Variants in CTBP2 observed in about 807,000 individuals in gnomAD.
CTBP2 encodes the protein C-terminal binding protein 2, also known as C-terminal-binding protein 2.
In CTBP2, 30 loss-of-function variants were observed where a neutral mutation model predicts 80.3. That is an observed-to-expected ratio of 0.37 (90% CI 0.28 to 0.51). CTBP2 has a LOEUF of 0.51. Among genes scored for constraint, CTBP2 ranks in the 20% least tolerant of loss-of-function variants. CTBP2 has a pLI of 0.93. For synonymous variants in CTBP2, 594 were observed against 587.4 expected (o/e 1.01, Z -0.16); for missense variants, 1,212 against 1,375.3 (o/e 0.88, Z 1.88).
intron 2 of CTBP2, among the ~76,000 whole-genome samples, chr10:125,045,806 T>TACAC (rs1479167762): frequency 6.6e-6 from 1 of 152,182 alleles, no homozygotes; most frequent in African/African-American, 2.4e-5. Flanking sequence ...CTTTCTAATA[T>TACAC]ACACATTGAA....
At chr10:125,020,332 A>G (rs999779745) in intron 1 of CTBP2, among the ~76,000 whole-genome samples, 3 of 152,178 alleles carry the variant, frequency 2.0e-5, no homozygotes, top group African/African-American at 7.2e-5. Context: ...ACAGCCACAC[A>G]AAACTATTAT....
chr10:125,034,365 G>A (rs1049140607), intron 3 of CTBP2, among the ~76,000 whole-genome samples: 1 of 152,214 alleles, frequency 6.6e-6, no homozygotes, highest in African/African-American at 2.4e-5. Context: ...TGTCTGTGAA[G>A]CTTTGCCTTG....
At chr10:125,128,746 T>C (rs1428349879) in intron 1 of CTBP2, among the ~76,000 whole-genome samples, 1 of 152,264 alleles carries the variant, frequency 6.6e-6, no homozygotes, top group Non-Finnish European at 1.5e-5. Flanking sequence ...ATAACCACTT[T>C]GTAAGACTAA....
chr10:125,111,257 C>T (rs559765865), intron 1 of CTBP2, among the ~76,000 whole-genome samples, 164 bp from the exon 2 acceptor site: 1 of 152,230 alleles, frequency 6.6e-6, no homozygotes, highest in African/African-American at 2.4e-5. Flanking sequence ...GCTTTAGTCA[C>T]ACACCAGATC....
At chr10:125,041,325 C>T (rs1001255200) in intron 2 of CTBP2, among the ~76,000 whole-genome samples, 2 of 152,192 alleles carry the variant, frequency 1.3e-5, no homozygotes, top group Admixed American at 1.3e-4. Context: ...TCAAGTGATC[C>T]ACCCACCTCA....
At chr10:125,012,462 T>C (rs568115808) in intron 1 of CTBP2, among the ~76,000 whole-genome samples, 1 of 152,256 alleles carries the variant, frequency 6.6e-6, no homozygotes, top group East Asian at 1.9e-4. Context: ...TAAACAGTTC[T>C]GGTGGAATCT....
At chr10:125,065,913 G>A (rs1419843743) in intron 2 of CTBP2, among the ~76,000 whole-genome samples, 1 of 151,962 alleles carries the variant, frequency 6.6e-6, no homozygotes, top group East Asian at 1.9e-4. Flanking sequence ...ACCAGCCTGG[G>A]CAACATGGCG....
At chr10:125,096,387 T>G (rs1028579213) in intron 2 of CTBP2, among the ~76,000 whole-genome samples, 1 of 152,230 alleles carries the variant, frequency 6.6e-6, no homozygotes, top group African/African-American at 2.4e-5. Flanking sequence ...AATAACATAG[T>G]GATAAAATCT....
Position 124,994,889 on chromosome 10 carries a change from G to A in CTBP2, c.2186-206C>T, listed in dbSNP as rs561338044. On this transcript the variant is annotated intron_variant, in intron 4 of 8. Coordinates refer to ENST00000309035, the MANE Select transcript of CTBP2 (RefSeq NM_022802.3). ...GGCCGGTGTAGGACAGGTGAGGACC[G>A]CAGTGCTTGCTGCTTATATTGGGTA... Among the ~76,000 whole-genome samples the A allele has an allele frequency of 1.8e-4, 27 of 152,376 alleles. No individual in the cohort carries two copies. The South Asian group carries it at 3.3e-3, about 19-fold the overall frequency.
intron 1 of CTBP2, among the ~76,000 whole-genome samples, chr10:125,024,808 G>C (rs1957381965): frequency 6.6e-6 from 1 of 152,138 alleles, no homozygotes; most frequent in South Asian, 2.1e-4. Flanking sequence ...ATTATCTGAC[G>C]TCCCTCCTGC....
chr10:125,027,728 C>T lies in CTBP2; in HGVS notation c.32G>A (p.Gly11Asp). The change falls in exon 1 of 9, where the codon GGT becomes GAT. Residue 11 changes from glycine (G) to aspartate (D), a missense_variant. Around this residue, in one of 3 missense-constraint regions of CTBP2, gnomAD observed 848 missense variants for 782.3 expected, o/e 1.08. Coordinates refer to ENST00000309035, the MANE Select transcript of CTBP2 (RefSeq NM_022802.3). ...AGCAGCATCCCAGCTCTGAGAACGA[C>T]CAATATTTATATGCCTGCTGGGAAC... 6.2e-7 allele frequency: 1 copy of T among 1,606,624 alleles called. No homozygotes were observed.
At chr10:125,028,234 T>A (rs543388865), upstream of CTBP2, among the ~76,000 whole-genome samples, 1 of 152,238 alleles carries the variant, frequency 6.6e-6, no homozygotes, top group Non-Finnish European at 1.5e-5. Flanking sequence ...CTCAGGTTTA[T>A]ACTCCCTCTT....
upstream of CTBP2, among the ~76,000 whole-genome samples, chr10:125,030,146 CCACACACACA>C (rs3068310): frequency 6.7e-6 from 1 of 150,068 alleles, no homozygotes; most frequent in Non-Finnish European, 1.5e-5. Context: ...TACACAAACA[CCACACACACA>C]CACACACACA....
In CTBP2 at chr10:124,987,754, T is replaced by C. The variant is rs538609115; in HGVS notation, c.*1764A>G. 6.6e-6 allele frequency: 1 copy of C among 152,220 alleles called. No homozygotes were observed. Among genetic ancestry groups the C allele is most frequent in the African/African-American group, 2.4e-5 (1 of 41,520 alleles). 9.4% of individuals were successfully genotyped at this position (152,220 alleles called of 1,614,324 possible). A position where few individuals can be genotyped will look rare whatever the true frequency, so the allele number is the denominator to read the frequency against. ...GCCAAAGGCTTTAAGACACCATGAT[T>C]TTCTTGTTTTGTTTTAATTGGGAAG... On this transcript the variant is annotated 3_prime_UTR_variant, in exon 9 of 9. Transcript: ENST00000309035.
intron 2 of CTBP2, among the ~76,000 whole-genome samples, chr10:125,097,050 T>C (rs1849650026): frequency 6.6e-6 from 1 of 152,256 alleles, no homozygotes; most frequent in South Asian, 2.1e-4. Context: ...TCTCTTCACA[T>C]AATTTATATT....
rs748096676 is a variant in CTBP2 at position 124,993,343 on chromosome 10, GA to G, written c.2532-15del. 1.2e-6 allele frequency: 2 copies of G among 1,604,438 alleles called. No individual in the cohort carries two copies. Among genetic ancestry groups the G allele is most frequent in the South Asian group, 1.1e-5 (1 of 90,632 alleles). ...CCCTGAGCAAAGCTAGAAAAATGTA[GA>G]AAAAACAGAGTAAGCGGGAAATGTC... On this transcript the variant is annotated splice_polypyrimidine_tract_variant and intron_variant, in intron 6 of 8. Transcript: ENST00000309035.
intron 2 of CTBP2, among the ~76,000 whole-genome samples, chr10:125,098,037 C>T (rs968737973): frequency 4.6e-5 from 7 of 152,188 alleles, no homozygotes; most frequent in African/African-American, 1.7e-4. Context: ...AGGAGAACTG[C>T]TTGAACCCAG....
intron 1 of CTBP2, among the ~76,000 whole-genome samples, chr10:125,145,926 T>C (rs1858693538): frequency 1.3e-5 from 2 of 152,090 alleles, no homozygotes; most frequent in South Asian, 4.1e-4. Context: ...TGAGATTTTT[T>C]TTTTTTTTTA....
intron 1 of CTBP2, among the ~76,000 whole-genome samples, chr10:125,012,512 A>C (rs980480846): frequency 6.6e-6 from 1 of 152,146 alleles, no homozygotes; most frequent in Non-Finnish European, 1.5e-5. Flanking sequence ...CGGCACGCCA[A>C]GGTCAGATGC....
Sources: allele counts gnomAD v4.1 joint callset (sites outside exome capture counted in the v4.1 genomes callset), GRCh38; gene constraint gnomAD v4.1.1; regional missense constraint gnomAD v4.1.1; transcripts MANE v1.5; gene names NCBI Gene and HGNC (gene_info 2026-07-23, HGNC 2026-07-21).